The following TENM2 variants were observed in gnomAD, a reference collection of about 807,000 sequenced individuals.
TENM2 encodes the protein teneurin-2.
A neutral mutation model predicts 245.2 loss-of-function variants in TENM2; 52 were observed. That is an observed-to-expected ratio of 0.21 (90% CI 0.17 to 0.27). The LOEUF (loss-of-function observed/expected upper bound fraction) is 0.27, where lower values mean the gene tolerates loss of function less well. Ranked by LOEUF, TENM2 falls within the 10% of genes least tolerant of loss-of-function variation. The probability of loss-of-function intolerance (pLI) is 1.00; values close to 1 mark genes in which losing one functional copy is unlikely to be tolerated. For missense variants in TENM2, 3,046 were observed against 3,666.8 expected (o/e 0.83, Z 4.37); for synonymous variants, 1,363 against 1,438.9 (o/e 0.95, Z 1.19).
chr5:167,272,716 C>T, the TENM2 span, among the ~76,000 whole-genome samples: 1 of 152,134 alleles, frequency 6.6e-6, no homozygotes, highest in African/African-American at 2.4e-5. Flanking sequence ...TCTCAATTCA[C>T]ACGGGCATTT....
intron 2 of TENM2, among the ~76,000 whole-genome samples, chr5:167,716,626 A>C (rs1358199170): frequency 6.6e-6 from 1 of 152,232 alleles, no homozygotes; most frequent in Admixed American, 6.5e-5. Context: ...TTAATAAATA[A>C]AATGAGCTTT....
intron 2 of TENM2, among the ~76,000 whole-genome samples, chr5:167,506,684 A>C (rs1769573986): frequency 6.6e-6 from 1 of 152,162 alleles, no homozygotes; most frequent in Admixed American, 6.6e-5. Context: ...TATTAAGGTA[A>C]GCAACTGTGA....
chr5:168,090,525 C>T (rs770982751), intron 7 of TENM2, 49 bp from the exon 10 acceptor site: 125 of 1,528,596 alleles, frequency 8.2e-5, no homozygotes, highest in Non-Finnish European at 1.0e-4. Context: ...AGGTATGGGA[C>T]CACATCCACA....
chr5:167,177,277 G>T, the TENM2 span, among the ~76,000 whole-genome samples: 1 of 151,128 alleles, frequency 6.6e-6, no homozygotes. Context: ...ATACATAAAA[G>T]AAAAAAAAAT....
intron 2 of TENM2, among the ~76,000 whole-genome samples, chr5:167,740,098 A>C (rs990785297): frequency 6.6e-6 from 1 of 152,164 alleles, no homozygotes; most frequent in Admixed American, 6.5e-5. Context: ...CTCAAAAAGC[A>C]GGGTTGTAGC....
chr5:167,996,546 T>C (rs552772678), intron 5 of TENM2, among the ~76,000 whole-genome samples: 1 of 152,308 alleles, frequency 6.6e-6, no homozygotes, highest in East Asian at 1.9e-4. Flanking sequence ...GTACTTTCAT[T>C]ACCTGCACCA....
intron 5 of TENM2, among the ~76,000 whole-genome samples, chr5:168,040,183 G>A (rs1296624747): frequency 6.6e-6 from 1 of 152,168 alleles, no homozygotes; most frequent in Non-Finnish European, 1.5e-5. Flanking sequence ...CTTTTGTGAG[G>A]GACTAGAAGT....
At chr5:167,730,532 C>T (rs1256292147) in intron 2 of TENM2, among the ~76,000 whole-genome samples, 1 of 152,090 alleles carries the variant, frequency 6.6e-6, no homozygotes, top group Non-Finnish European at 1.5e-5. Context: ...TAAAGTGCTC[C>T]TTTATTATAT....
intron 2 of TENM2, among the ~76,000 whole-genome samples, chr5:167,838,533 T>C (rs374603741): frequency 7.2e-5 from 11 of 152,182 alleles, no homozygotes; most frequent in Non-Finnish European, 1.5e-5. Flanking sequence ...ACATTTATTA[T>C]AAAAATAGCA....
At chr5:168,191,356 G>A (rs551573798) in intron 14 of TENM2, among the ~76,000 whole-genome samples, 1 of 152,340 alleles carries the variant, frequency 6.6e-6, no homozygotes, top group East Asian at 1.9e-4. Flanking sequence ...TCTGAGGGTA[G>A]AGAGGAGGGG....
chr5:167,642,193 G>A (rs546944227), intron 2 of TENM2, among the ~76,000 whole-genome samples: 1 of 151,474 alleles, frequency 6.6e-6, no homozygotes, highest in East Asian at 1.9e-4. Context: ...CTTACTGGTG[G>A]CTTCCCATTT....
chr5:168,241,994 G>A (rs1766144931), intron 25 of TENM2, among the ~76,000 whole-genome samples: 3 of 152,062 alleles, frequency 2.0e-5, no homozygotes, highest in African/African-American at 7.2e-5. Flanking sequence ...CTTTTTCTCT[G>A]GATAGGCCAT....
chr5:167,709,332 A>T (rs1319054735), intron 2 of TENM2, among the ~76,000 whole-genome samples: 1 of 152,070 alleles, frequency 6.6e-6, no homozygotes, highest in Admixed American at 6.6e-5. Context: ...CTCCTTCCCT[A>T]CATGTAATTT....
At chr5:167,720,003 G>T (rs979968476) in intron 2 of TENM2, among the ~76,000 whole-genome samples, 3 of 152,120 alleles carry the variant, frequency 2.0e-5, no homozygotes, top group East Asian at 1.9e-4. Flanking sequence ...AAGAGGGGGG[G>T]GCTTGGGGAA....
intron 2 of TENM2, among the ~76,000 whole-genome samples, chr5:167,678,059 C>G (rs1452862046): frequency 6.6e-6 from 1 of 151,932 alleles, no homozygotes; most frequent in Non-Finnish European, 1.5e-5. Context: ...TGACAGGTCA[C>G]AGAGTAGTCT....
At chr5:167,294,974 T>G (rs1754864181) in intron 1 of TENM2, among the ~76,000 whole-genome samples, 2 of 152,194 alleles carry the variant, frequency 1.3e-5, no homozygotes, top group Non-Finnish European at 2.9e-5. Flanking sequence ...GCCCTCTGAA[T>G]TTTTATAGCC....
chr5:168,007,208 C>T (rs1784890825), intron 5 of TENM2, among the ~76,000 whole-genome samples: 1 of 151,792 alleles, frequency 6.6e-6, no homozygotes, highest in African/African-American at 2.4e-5. Flanking sequence ...CTCACTGCAA[C>T]ACCTCTGCCT....
intron 7 of TENM2, among the ~76,000 whole-genome samples, chr5:168,080,844 A>C (rs1009872818): frequency 5.9e-5 from 9 of 152,118 alleles, no homozygotes; most frequent in African/African-American, 2.2e-4. Flanking sequence ...GAGTGCTTTA[A>C]TTCCAACTAT....
At chr5:167,467,242 G>A (rs1474886826) in intron 2 of TENM2, among the ~76,000 whole-genome samples, 1 of 152,076 alleles carries the variant, frequency 6.6e-6, no homozygotes, top group Admixed American at 6.5e-5. Flanking sequence ...GGTTTTATAA[G>A]TGTTTGACAG....
Sources: allele counts gnomAD v4.1 joint callset (sites outside exome capture counted in the v4.1 genomes callset), GRCh38; gene constraint gnomAD v4.1.1; transcripts MANE v1.5; gene names NCBI Gene and HGNC (gene_info 2026-07-23, HGNC 2026-07-21).